CTNNA2: variants seen among roughly 807,000 people sequenced by gnomAD.
CTNNA2 encodes catenin alpha 2, also known as catenin alpha-2.
Under a neutral mutation model 101.0 loss-of-function variants are expected in CTNNA2, and 42 were observed. That is an observed-to-expected ratio of 0.42 (90% CI 0.32 to 0.54). The LOEUF (loss-of-function observed/expected upper bound fraction) is 0.54. Ranked by LOEUF, CTNNA2 falls within the 20% of genes least tolerant of loss-of-function variation. The probability of loss-of-function intolerance (pLI) is 0.14; values close to 1 mark genes in which losing one functional copy is unlikely to be tolerated. For missense variants in CTNNA2, 871 were observed against 1,223.1 expected, an observed-to-expected ratio of 0.71 and a Z score of 4.29; for synonymous variants, 450 against 456.4, an observed-to-expected ratio of 0.99 and a Z score of 0.18.
chr2:79,816,722 T>G (rs1486140068), intron 3 of CTNNA2, among the ~76,000 whole-genome samples: 1 of 152,182 alleles, frequency 6.6e-6, no homozygotes, highest in Admixed American at 6.5e-5. Context: ...ATGTTAACAT[T>G]CTTGGCCTTT....
At chr2:79,476,762 T>C (rs1172298543) in intron 4 of CTNNA2, among the ~76,000 whole-genome samples, 2 of 152,192 alleles carry the variant, frequency 1.3e-5, no homozygotes, top group Non-Finnish European at 2.9e-5. Context: ...GTCTTACCTG[T>C]GACAATTTTT....
intron 2 of CTNNA2, among the ~76,000 whole-genome samples, chr2:79,242,993 T>TATATATACACAC (rs1306982182): frequency 2.8e-4 from 33 of 116,698 alleles, no homozygotes; most frequent in Non-Finnish European, 5.3e-4. Flanking sequence ...TATATATATA[T>TATATATACACAC]ACACACACAC....
chr2:80,277,942 C>A (rs527523096), intron 7 of CTNNA2, among the ~76,000 whole-genome samples: 276 of 152,258 alleles, frequency 1.8e-3, no homozygotes, highest in African/African-American at 6.4e-3. Flanking sequence ...CAACCTAATT[C>A]TTGCCCCCAT....
chr2:79,729,710 G>A (rs1687084498), intron 2 of CTNNA2, among the ~76,000 whole-genome samples: 1 of 151,990 alleles, frequency 6.6e-6, no homozygotes, highest in Admixed American at 6.6e-5. Context: ...GAAGCTTGAG[G>A]CCTCTAAGAA....
intron 7 of CTNNA2, among the ~76,000 whole-genome samples, chr2:79,945,965 T>C (rs1003756527): frequency 9.2e-5 from 14 of 152,098 alleles, no homozygotes; most frequent in African/African-American, 2.9e-4. Flanking sequence ...CCTAGTGAAT[T>C]AGGGGTGAAA....
At position 79,190,329 on chromosome 2, in the gene CTNNA2, C is replaced by T. The variant is rs543743131; in HGVS notation, c.-524+4898C>T. On this transcript the variant is annotated intron_variant, in intron 1 of 21. Coordinates refer to the CTNNA2 transcript ENST00000466387. ...TAGGCAGATTTTGAAGCTTAGTTCCCTGTAGTTTCCTTCTCTCTGCGATTT... is the reference window on the plus strand; with the variant it reads ...TAGGCAGATTTTGAAGCTTAGTTCCTTGTAGTTTCCTTCTCTCTGCGATTT... 1.4e-4 allele frequency among the ~76,000 whole-genome samples: 21 copies of T among 152,096 alleles called. 1 individual carries two copies. In the South Asian group the frequency reaches 4.1e-3, roughly 30 times the overall value.
intron 2 of CTNNA2, among the ~76,000 whole-genome samples, chr2:79,205,341 T>C (rs1674087688): frequency 1.3e-5 from 2 of 152,222 alleles, no homozygotes; most frequent in African/African-American, 4.8e-5. Flanking sequence ...AAGAGCTGTC[T>C]AAGCATGGTC....
At chr2:79,206,968 C>T (rs1471323299) in intron 2 of CTNNA2, among the ~76,000 whole-genome samples, 1 of 152,164 alleles carries the variant, frequency 6.6e-6, no homozygotes, top group Non-Finnish European at 1.5e-5. Context: ...ACCAAAAATA[C>T]CCTGAGTGTA....
intron 7 of CTNNA2, among the ~76,000 whole-genome samples, chr2:80,040,778 G>A (rs1005484112): frequency 4.4e-4 from 67 of 152,046 alleles, no homozygotes; most frequent in African/African-American, 1.2e-3. Flanking sequence ...TGTGTTGGAC[G>A]ATTCAATTAA....
chr2:80,620,446 G>C (rs1402653520), intron 18 of CTNNA2, among the ~76,000 whole-genome samples: 3 of 151,770 alleles, frequency 2.0e-5, no homozygotes, highest in South Asian at 2.1e-4. Context: ...GCCCTCTTTA[G>C]TACCCTGGGG....
rs535392177 is a variant in CTNNA2 at position 79,940,806 on chromosome 2, C to T, written c.1056+31009C>T. ...ATCTAATACAGAGCCTATTTTATAA[C>T]AAAATGTTAAATATCTCATGTAATT... is the stretch of plus-strand genomic sequence containing the variant. On this transcript the variant is annotated intron_variant, in intron 7 of 18. Transcript: ENST00000402739. Among the ~76,000 whole-genome samples the T allele has an allele frequency of 2.8e-4, 42 of 152,222 alleles. 1 individual carries two copies. In the South Asian group the frequency reaches 8.5e-3, roughly 31 times the overall value.
At chr2:79,915,099 G>A (rs1247172628) in intron 7 of CTNNA2, among the ~76,000 whole-genome samples, 2 of 151,958 alleles carry the variant, frequency 1.3e-5, no homozygotes, top group Admixed American at 6.6e-5. Context: ...AGTAATACAT[G>A]AGATGATATC....
At chr2:79,966,496 A>G (rs1690072326) in intron 7 of CTNNA2, among the ~76,000 whole-genome samples, 1 of 152,186 alleles carries the variant, frequency 6.6e-6, no homozygotes, top group African/African-American at 2.4e-5. Context: ...TTGGCTTCTC[A>G]AAGTGCTAGG....
At chr2:79,389,114 T>C (rs567019647) in intron 4 of CTNNA2, among the ~76,000 whole-genome samples, 1 of 152,310 alleles carries the variant, frequency 6.6e-6, no homozygotes, top group African/African-American at 2.4e-5. Context: ...AAGAAGAATT[T>C]GGGAGAACAT....
At chr2:79,688,664 G>T (rs562053416) in intron 2 of CTNNA2, among the ~76,000 whole-genome samples, 1 of 152,058 alleles carries the variant, frequency 6.6e-6, no homozygotes, top group Admixed American at 6.6e-5. Flanking sequence ...AGTACTAAGT[G>T]AACAAGATTC....
intron 3 of CTNNA2, among the ~76,000 whole-genome samples, chr2:79,755,157 C>T (rs1672312789): frequency 6.6e-6 from 1 of 151,980 alleles, no homozygotes; most frequent in Non-Finnish European, 1.5e-5. Context: ...AGACCCCCAT[C>T]TCTACAAAAA....
At chr2:80,250,204 A>AGAGAGTGTGT (rs1553476557) in intron 7 of CTNNA2, among the ~76,000 whole-genome samples, 18 of 96,388 alleles carry the variant, frequency 1.9e-4, no homozygotes, top group African/African-American at 4.7e-4. Flanking sequence ...AGAGAGAGAG[A>AGAGAGTGTGT]GTGTGTGTGT....
intron 7 of CTNNA2, among the ~76,000 whole-genome samples, chr2:80,356,341 A>AT (rs1390002373): frequency 3.3e-5 from 5 of 152,122 alleles, no homozygotes; most frequent in African/African-American, 1.2e-4. Context: ...AAACATCATT[A>AT]TACCTAGAGT....
intron 3 of CTNNA2, among the ~76,000 whole-genome samples, chr2:79,367,785 T>C (rs1052128622): frequency 2.0e-5 from 3 of 152,148 alleles, no homozygotes; most frequent in African/African-American, 7.2e-5. Flanking sequence ...GAGTAACTGA[T>C]ATTAGGCAGT....
Sources: allele counts gnomAD v4.1 joint callset (sites outside exome capture counted in the v4.1 genomes callset), GRCh38; gene constraint gnomAD v4.1.1; transcripts MANE v1.5; gene names NCBI Gene and HGNC (gene_info 2026-07-23, HGNC 2026-07-21).